The following MAGI2 variants were observed in gnomAD, a reference collection of about 807,000 sequenced individuals.
MAGI2 encodes the protein membrane-associated guanylate kinase, WW and PDZ domain-containing protein 2.
Under a neutral mutation model 133.3 loss-of-function variants are expected in MAGI2, and 35 were observed. The observed-to-expected ratio is 0.26, with a 90% CI of 0.20 to 0.35. The LOEUF is 0.35. Among genes scored for constraint, MAGI2 ranks in the 10% least tolerant of loss-of-function variants. The probability of loss-of-function intolerance (pLI) is 1.00; values close to 1 mark genes in which losing one functional copy is unlikely to be tolerated. For missense variants in MAGI2, 1,636 were observed against 1,863.4 expected (o/e 0.88, Z 2.25); for synonymous variants, 729 against 710.6 (o/e 1.03, Z -0.41).
intron 1 of MAGI2, among the ~76,000 whole-genome samples, chr7:79,134,261 TA>T (rs1211585469): frequency 3.9e-5 from 6 of 152,332 alleles, no homozygotes; most frequent in Non-Finnish European, 7.3e-5. Flanking sequence ...TTAGTTGATA[TA>T]ATAATCAAAA....
intron 2 of MAGI2, among the ~76,000 whole-genome samples, chr7:78,832,784 C>T (rs367725796): frequency 2.6e-5 from 4 of 152,268 alleles, no homozygotes; most frequent in East Asian, 1.9e-4. Context: ...ACTGCCAGAA[C>T]GAGCCAACAG....
intron 1 of MAGI2, among the ~76,000 whole-genome samples, chr7:79,136,563 C>A (rs1821595135): frequency 6.6e-6 from 1 of 152,166 alleles, no homozygotes; most frequent in African/African-American, 2.4e-5. Flanking sequence ...GGAAGAAATT[C>A]TTCTAAATAA....
chr7:78,850,730 T>C (rs1474011340), intron 2 of MAGI2, among the ~76,000 whole-genome samples: 1 of 152,086 alleles, frequency 6.6e-6, no homozygotes. Flanking sequence ...GTCTCTGACT[T>C]ATTTGTTTAA....
chr7:78,061,182 TC>T (rs1813209943), intron 21 of MAGI2, among the ~76,000 whole-genome samples: 2 of 115,798 alleles, frequency 1.7e-5, no homozygotes, highest in African/African-American at 3.3e-5. Flanking sequence ...AAAAAGGTTT[TC>T]TTTTTTTTTT....
At chr7:79,327,714 C>G (rs1037588916) in intron 1 of MAGI2, among the ~76,000 whole-genome samples, 1 of 151,914 alleles carries the variant, frequency 6.6e-6, no homozygotes. Flanking sequence ...CTCACACACA[C>G]CTTTTTGTCA....
intron 2 of MAGI2, among the ~76,000 whole-genome samples, chr7:78,699,264 A>G (rs373680626): frequency 5.9e-4 from 90 of 152,252 alleles, no homozygotes; most frequent in African/African-American, 2.1e-3. Flanking sequence ...CCACATGCTC[A>G]GCTAATTTAA....
At chr7:79,073,821 T>G (rs1473403622) in intron 1 of MAGI2, among the ~76,000 whole-genome samples, 2 of 151,420 alleles carry the variant, frequency 1.3e-5, no homozygotes, top group African/African-American at 2.4e-5. Flanking sequence ...CATACTAGAT[T>G]TCGTAGAGTC....
At chr7:78,783,386 AT>A (rs1826550674) in intron 2 of MAGI2, among the ~76,000 whole-genome samples, 1 of 152,124 alleles carries the variant, frequency 6.6e-6, no homozygotes, top group African/African-American at 2.4e-5. Flanking sequence ...TGTCAGCGTT[AT>A]TTTTGGAGGA....
chr7:79,391,798 C>G (rs1040822796), intron 1 of MAGI2, among the ~76,000 whole-genome samples: 1 of 151,938 alleles, frequency 6.6e-6, no homozygotes, highest in African/African-American at 2.4e-5. Flanking sequence ...ATTCTCCTGC[C>G]TCAGCCTCCC....
chr7:78,161,635 G>A (rs1824985738), intron 15 of MAGI2, among the ~76,000 whole-genome samples: 1 of 58,880 alleles, frequency 1.7e-5, no homozygotes. Context: ...AAAAAACAAA[G>A]ACTGCAAGAG....
intron 20 of MAGI2, among the ~76,000 whole-genome samples, chr7:78,105,498 A>G (rs1818591535): frequency 6.6e-6 from 1 of 152,112 alleles, no homozygotes; most frequent in Non-Finnish European, 1.5e-5. Flanking sequence ...TTGTTGCTTT[A>G]TATCTTTGTC....
chr7:79,107,294 A>G (rs964766352), intron 1 of MAGI2, among the ~76,000 whole-genome samples: 28 of 152,218 alleles, frequency 1.8e-4, no homozygotes, highest in African/African-American at 6.8e-4. Context: ...AAGAAATGAA[A>G]GATGCTTCTA....
At chr7:79,381,954 T>C (rs1014042105) in intron 1 of MAGI2, among the ~76,000 whole-genome samples, 10 of 151,710 alleles carry the variant, frequency 6.6e-5, no homozygotes, top group Non-Finnish European at 1.0e-4. Context: ...TCCTCACTTA[T>C]TAGTTATTTT....
At chr7:78,821,139 A>C (rs1205381501) in intron 2 of MAGI2, among the ~76,000 whole-genome samples, 1 of 152,060 alleles carries the variant, frequency 6.6e-6, no homozygotes, top group African/African-American at 2.4e-5. Flanking sequence ...CTAGCTGGAC[A>C]TTTTATTCGA....
intron 2 of MAGI2, among the ~76,000 whole-genome samples, chr7:78,690,986 G>A (rs537641318): frequency 2.6e-5 from 4 of 152,120 alleles, no homozygotes; most frequent in African/African-American, 4.8e-5. Flanking sequence ...GGCTTGCAAG[G>A]GTCTTTACAA....
intron 1 of MAGI2, among the ~76,000 whole-genome samples, chr7:79,272,714 A>C (rs1315317374): frequency 3.0e-4 from 1 of 3,362 alleles, no homozygotes; most frequent in African/African-American, 3.2e-4. Flanking sequence ...GATTTCTATA[A>C]GTTTAAATAT....
chr7:78,082,583 C>T (rs1268110835), intron 20 of MAGI2, among the ~76,000 whole-genome samples: 1 of 152,102 alleles, frequency 6.6e-6, no homozygotes, highest in Non-Finnish European at 1.5e-5. Flanking sequence ...GTATCAGTGC[C>T]ATTGGGTGGT....
At chr7:79,272,763 A>G (rs1319388765) in intron 1 of MAGI2, among the ~76,000 whole-genome samples, 1 of 152,106 alleles carries the variant, frequency 6.6e-6, no homozygotes, top group Non-Finnish European at 1.5e-5. Context: ...TGACTTAAAC[A>G]AAACATAGAG....
At chr7:78,237,014 T>C (rs1790617475) in intron 10 of MAGI2, among the ~76,000 whole-genome samples, 1 of 152,174 alleles carries the variant, frequency 6.6e-6, no homozygotes, top group East Asian at 1.9e-4. Flanking sequence ...AACCACCCCA[T>C]GATTCAGTTA....
Sources: gnomAD v4.1 joint callset for allele counts (sites outside exome capture counted in the v4.1 genomes callset) on GRCh38, gnomAD v4.1.1 for gene constraint, MANE v1.5 for transcripts, NCBI Gene and HGNC (gene_info 2026-07-23, HGNC 2026-07-21) for gene names.